Variants in KCNIP4 observed in about 807,000 individuals in gnomAD.
KCNIP4 encodes the protein Kv channel-interacting protein 4.
Under a neutral mutation model 34.0 loss-of-function variants are expected in KCNIP4, and 12 were observed. The observed-to-expected ratio is 0.35, with a 90% CI of 0.23 to 0.57. KCNIP4 has a LOEUF of 0.57. Ranked by LOEUF, KCNIP4 falls within the 20% of genes least tolerant of loss-of-function variation. The pLI, the probability that KCNIP4 is intolerant of heterozygous loss-of-function variation, is 0.83. For synonymous variants in KCNIP4, 124 were observed against 102.2 expected (o/e 1.21, Z -1.29); for missense variants, 238 against 311.7 (o/e 0.76, Z 1.78).
intron 1 of KCNIP4, among the ~76,000 whole-genome samples, chr4:21,215,548 G>A (rs998199739): frequency 6.6e-6 from 1 of 152,108 alleles, no homozygotes; most frequent in African/African-American, 2.4e-5. Flanking sequence ...TCTTCTCTGT[G>A]TTCACCTGGA....
chr4:21,120,922 G>T (rs983174684), intron 1 of KCNIP4, among the ~76,000 whole-genome samples: 5 of 152,162 alleles, frequency 3.3e-5, no homozygotes, highest in African/African-American at 7.2e-5. Flanking sequence ...GGCACTAGGG[G>T]TTAGAATTTC....
chr4:21,743,386 G>A (rs1014950034), intron 1 of KCNIP4, among the ~76,000 whole-genome samples: 3 of 145,514 alleles, frequency 2.1e-5, no homozygotes, highest in Non-Finnish European at 4.5e-5. Flanking sequence ...ATGTCACTGG[G>A]ACATTGACAC....
intron 1 of KCNIP4, among the ~76,000 whole-genome samples, chr4:21,009,184 C>T (rs1360587345): frequency 6.6e-6 from 1 of 152,140 alleles, no homozygotes; most frequent in Non-Finnish European, 1.5e-5. Flanking sequence ...TTACATACAT[C>T]ATAACACTAA....
At chr4:21,190,274 A>G (rs1560794717) in intron 1 of KCNIP4, among the ~76,000 whole-genome samples, 1 of 151,916 alleles carries the variant, frequency 6.6e-6, no homozygotes, top group Non-Finnish European at 1.5e-5. Flanking sequence ...TCTGGGAAAC[A>G]TGAAGCCTAA....
chr4:21,874,635 A>G (rs554402543), intron 1 of KCNIP4, among the ~76,000 whole-genome samples: 8 of 152,196 alleles, frequency 5.3e-5, no homozygotes, highest in African/African-American at 7.2e-5. Flanking sequence ...GGCTCCTGAT[A>G]TTTGCTACTC....
At chr4:21,312,786 A>T (rs1713326244) in intron 1 of KCNIP4, among the ~76,000 whole-genome samples, 1 of 152,160 alleles carries the variant, frequency 6.6e-6, no homozygotes, top group South Asian at 2.1e-4. Context: ...GAGGACTGTG[A>T]ATGATCCCAC....
chr4:21,361,819 C>T (rs1031502555), intron 1 of KCNIP4, among the ~76,000 whole-genome samples: 4 of 152,092 alleles, frequency 2.6e-5, no homozygotes, highest in South Asian at 2.1e-4. Flanking sequence ...ACATATTCTA[C>T]GTTGCACTTA....
At chr4:21,568,385 T>C (rs1483276647) in intron 1 of KCNIP4, among the ~76,000 whole-genome samples, 1 of 152,160 alleles carries the variant, frequency 6.6e-6, no homozygotes, top group East Asian at 1.9e-4. Context: ...GTGAACCTGA[T>C]GGTTGATATT....
intron 1 of KCNIP4, among the ~76,000 whole-genome samples, chr4:21,727,179 A>C (rs1715258175): frequency 6.6e-6 from 1 of 152,192 alleles, no homozygotes; most frequent in Admixed American, 6.6e-5. Context: ...GGGACCTTTA[A>C]GAAATGATTA....
intron 1 of KCNIP4, among the ~76,000 whole-genome samples, chr4:21,146,887 A>T (rs1299101578): frequency 6.6e-6 from 1 of 152,104 alleles, no homozygotes; most frequent in Non-Finnish European, 1.5e-5. Context: ...ATTGTTTCTC[A>T]TGGTTACTGA....
intron 1 of KCNIP4, among the ~76,000 whole-genome samples, chr4:21,657,251 T>C (rs958070578): frequency 6.6e-6 from 1 of 152,224 alleles, no homozygotes. Flanking sequence ...CGTTATTTTA[T>C]TTATTAAAGA....
chr4:20,822,989 C>T (rs1019170524), intron 3 of KCNIP4, among the ~76,000 whole-genome samples: 1 of 152,070 alleles, frequency 6.6e-6, no homozygotes, highest in East Asian at 1.9e-4. Flanking sequence ...AACAAGGTAC[C>T]TTCTTAAAAA....
At chr4:21,596,939 G>A (rs73800238) in intron 1 of KCNIP4, among the ~76,000 whole-genome samples, 1,789 of 152,206 alleles carry the variant, frequency 0.012, 36 homozygotes, top group African/African-American at 0.041. Context: ...AGTGGAGGAT[G>A]GGTTACTTTC....
chr4:20,919,435 G>A (rs1729167978), intron 1 of KCNIP4, among the ~76,000 whole-genome samples: 1 of 151,610 alleles, frequency 6.6e-6, no homozygotes, highest in Non-Finnish European at 1.5e-5. Flanking sequence ...CGGGCGCGGT[G>A]GCTCATGCCT....
At chr4:21,543,360 T>C (rs920296731) in intron 1 of KCNIP4, among the ~76,000 whole-genome samples, 1 of 152,126 alleles carries the variant, frequency 6.6e-6, no homozygotes, top group Non-Finnish European at 1.5e-5. Flanking sequence ...AATTTCAAAA[T>C]TGATCATTCC....
At chr4:20,933,008 G>A (rs1730644005) in intron 1 of KCNIP4, among the ~76,000 whole-genome samples, 2 of 152,294 alleles carry the variant, frequency 1.3e-5, no homozygotes, top group South Asian at 4.1e-4. Flanking sequence ...CACTTTGGGA[G>A]GCTGAGGTAG....
At chr4:21,403,337 T>C (rs1368455144) in intron 1 of KCNIP4, among the ~76,000 whole-genome samples, 3 of 152,208 alleles carry the variant, frequency 2.0e-5, no homozygotes, top group Non-Finnish European at 2.9e-5. Flanking sequence ...ATAACCAATT[T>C]CCACTGCTAT....
chr4:21,540,464 CAA>C (rs1491298475), intron 1 of KCNIP4, among the ~76,000 whole-genome samples: 1 of 152,128 alleles, frequency 6.6e-6, no homozygotes, highest in African/African-American at 2.4e-5. Context: ...AGAATACGTA[CAA>C]GAGAGAGGCT....
At chr4:21,396,108 A>G (rs1365440216) in intron 1 of KCNIP4, among the ~76,000 whole-genome samples, 1 of 151,224 alleles carries the variant, frequency 6.6e-6, no homozygotes, top group Non-Finnish European at 1.5e-5. Flanking sequence ...TCTCCTATAT[A>G]TAGTCTATAT....
Sources: allele counts gnomAD v4.1 joint callset (sites outside exome capture counted in the v4.1 genomes callset), GRCh38; gene constraint gnomAD v4.1.1; transcripts MANE v1.5; gene names NCBI Gene and HGNC (gene_info 2026-07-23, HGNC 2026-07-21).